Variants in CNTNAP2 observed in about 807,000 individuals in gnomAD.
CNTNAP2 encodes the protein contactin associated protein 2.
In CNTNAP2, 98 loss-of-function variants were observed where a neutral mutation model predicts 155.2. The ratio of observed to expected loss-of-function variants is 0.63; its 90% confidence interval spans 0.54 to 0.75. The LOEUF (loss-of-function observed/expected upper bound fraction) is 0.75, where lower values mean the gene tolerates loss of function less well. CNTNAP2 is among the 30% of genes least tolerant of loss of function. The pLI is 0.00. For synonymous variants in CNTNAP2, 651 were observed against 631.2 expected, an observed-to-expected ratio of 1.03 and a Z score of -0.47; for missense variants, 1,727 against 1,688.1, an observed-to-expected ratio of 1.02 and a Z score of -0.40.
At chr7:146,567,931 A>C (rs1014771377) in intron 1 of CNTNAP2, among the ~76,000 whole-genome samples, 3 of 152,234 alleles carry the variant, frequency 2.0e-5, no homozygotes, top group Admixed American at 2.0e-4. Flanking sequence ...TGTGTTAGCC[A>C]GGATGGTGTC....
intron 15 of CNTNAP2, among the ~76,000 whole-genome samples, chr7:147,995,786 T>C (rs1801794671): frequency 6.6e-6 from 1 of 152,202 alleles, no homozygotes; most frequent in Non-Finnish European, 1.5e-5. Flanking sequence ...GTGCTGGGAT[T>C]ACAGGCATGA....
intron 1 of CNTNAP2, among the ~76,000 whole-genome samples, chr7:146,537,861 C>T (rs1362855083): frequency 6.6e-6 from 1 of 151,876 alleles, no homozygotes; most frequent in Admixed American, 6.6e-5. Flanking sequence ...AGAGAGCAGG[C>T]ATAGAGGTAG....
intron 1 of CNTNAP2, among the ~76,000 whole-genome samples, chr7:146,631,387 C>T (rs1286674281): frequency 6.6e-6 from 1 of 151,936 alleles, no homozygotes; most frequent in East Asian, 1.9e-4. Flanking sequence ...TGTTTGGGAC[C>T]CATTTCATGT....
chr7:147,563,624 T>C (rs1800109938), intron 12 of CNTNAP2, among the ~76,000 whole-genome samples: 1 of 88,778 alleles, frequency 1.1e-5, no homozygotes, highest in African/African-American at 4.7e-5. Flanking sequence ...CAAGACTCCA[T>C]CTCAATAAAT....
intron 1 of CNTNAP2, among the ~76,000 whole-genome samples, chr7:146,492,586 G>A (rs1357670855): frequency 3.3e-5 from 5 of 152,168 alleles, no homozygotes; most frequent in African/African-American, 9.7e-5. Context: ...GCAACTCTAA[G>A]ACAGATGAAT....
intron 12 of CNTNAP2, among the ~76,000 whole-genome samples, chr7:147,601,644 A>AAAT (rs1299075338): frequency 0.027 from 2,360 of 87,172 alleles, 42 homozygotes; most frequent in Middle Eastern, 0.041. Context: ...CTTAAAAAAA[A>AAAT]ATATATATAT....
intron 13 of CNTNAP2, among the ~76,000 whole-genome samples, chr7:147,784,381 C>T (rs867767918): frequency 6.0e-5 from 6 of 99,298 alleles, no homozygotes; most frequent in Non-Finnish European, 8.9e-5. Flanking sequence ...AAACTAAAAA[C>T]ATATATATAT....
chr7:146,572,364 G>A (rs1481474511), intron 1 of CNTNAP2, among the ~76,000 whole-genome samples: 2 of 150,782 alleles, frequency 1.3e-5, no homozygotes, highest in African/African-American at 4.9e-5. Flanking sequence ...TTGAAGACTG[G>A]GTCTCCTATC....
rs960952629 is a variant in CNTNAP2, at chr7:147,172,239, A to G, written c.1348+39730A>G. ...GGTTTATTTCTTTTCCTTGACATTT[A>G]TAGCATCCTATGTATCTGTGTTCCA... On this transcript the variant is annotated intron_variant, in intron 8 of 23. Coordinates refer to ENST00000361727, the MANE Select transcript of CNTNAP2 (RefSeq NM_014141.6). 5.9e-5 allele frequency among the ~76,000 whole-genome samples: 9 copies of G among 152,170 alleles called. No homozygotes were observed. The East Asian group carries it at 1.7e-3, about 29-fold the overall frequency.
chr7:146,900,434 T>G (rs1795969834), intron 3 of CNTNAP2, among the ~76,000 whole-genome samples: 1 of 152,196 alleles, frequency 6.6e-6, no homozygotes, highest in African/African-American at 2.4e-5. Context: ...GAAAGCAGTT[T>G]ACTTAACCAT....
intron 1 of CNTNAP2, among the ~76,000 whole-genome samples, chr7:146,693,404 G>T (rs941529153): frequency 6.6e-6 from 1 of 151,326 alleles, no homozygotes; most frequent in East Asian, 1.9e-4. Context: ...CATTAACTTT[G>T]TTTCTTCTTA....
chr7:147,938,311 A>G (rs1157179444), intron 14 of CNTNAP2, among the ~76,000 whole-genome samples: 1 of 152,188 alleles, frequency 6.6e-6, no homozygotes, highest in African/African-American at 2.4e-5. Flanking sequence ...ACTATACACT[A>G]AGCTACAGTA....
intron 11 of CNTNAP2, among the ~76,000 whole-genome samples, chr7:147,510,850 C>CATATATATATATATAGATATAT (rs1799004210): frequency 1.3e-5 from 1 of 76,436 alleles, no homozygotes; most frequent in Non-Finnish European, 2.4e-5. Flanking sequence ...GGCCTACAAC[C>CATATATATATATATAGATATAT]ATATATATAT....
chr7:148,349,358 TA>T (rs1798378618), intron 21 of CNTNAP2, among the ~76,000 whole-genome samples: 2 of 150,608 alleles, frequency 1.3e-5, no homozygotes, highest in Non-Finnish European at 3.0e-5. Flanking sequence ...TAAAACACAC[TA>T]ACACTAACGG....
intron 9 of CNTNAP2, among the ~76,000 whole-genome samples, chr7:147,302,078 T>C (rs982079961): frequency 1.3e-5 from 2 of 152,242 alleles, no homozygotes; most frequent in Admixed American, 1.3e-4. Flanking sequence ...AGCTGTCTTA[T>C]GAGTGAATGA....
At chr7:147,317,401 A>C (rs2692158) in intron 9 of CNTNAP2, among the ~76,000 whole-genome samples, 74,800 of 152,180 alleles carry the variant, frequency 0.49, 19,556 homozygotes, top group East Asian at 0.73. Flanking sequence ...CTTGCATCGT[A>C]TGGTTCCTTT....
intron 21 of CNTNAP2, among the ~76,000 whole-genome samples, chr7:148,327,428 C>G (rs1215131125): frequency 6.6e-6 from 1 of 152,252 alleles, no homozygotes; most frequent in Non-Finnish European, 1.5e-5. Context: ...AACATCCTCA[C>G]TGAACTTGTT....
chr7:147,018,309 G>A (rs1030474448), intron 3 of CNTNAP2, among the ~76,000 whole-genome samples: 1 of 152,028 alleles, frequency 6.6e-6, no homozygotes, highest in African/African-American at 2.4e-5. Flanking sequence ...CTGAAACATA[G>A]TGAAGAAGAA....
chr7:147,344,535 T>G (rs1430736291), intron 9 of CNTNAP2, among the ~76,000 whole-genome samples: 1 of 152,194 alleles, frequency 6.6e-6, no homozygotes, highest in African/African-American at 2.4e-5. Context: ...CAAGGAATAC[T>G]AAGTGAACTG....
Sources: gnomAD v4.1 joint callset for allele counts (sites outside exome capture counted in the v4.1 genomes callset) on GRCh38, gnomAD v4.1.1 for gene constraint, MANE v1.5 for transcripts, NCBI Gene and HGNC (gene_info 2026-07-23, HGNC 2026-07-21) for gene names.